Variants in NOMO1 observed in about 807,000 individuals in gnomAD.
NOMO1 encodes nodal modulator 3.
Under a neutral mutation model 133.8 loss-of-function variants are expected in NOMO1, and 40 were observed. The ratio of observed to expected loss-of-function variants is 0.30; its 90% CI spans 0.23 to 0.39. The LOEUF (loss-of-function observed/expected upper bound fraction) is 0.39. Among genes scored for constraint, NOMO1 ranks in the 10% least tolerant of loss-of-function variants. The pLI is 1.00. For synonymous variants in NOMO1, 236 were observed against 570.5 expected (o/e 0.41, Z 8.36); for missense variants, 462 against 1,419.9 (o/e 0.33, Z 10.84).
rs1174703237 is a variant in NOMO1 at position 14,867,176 on chromosome 16, A to ATTTTTTTTTTTT, written c.1806+503_1806+514dup. 1.3e-3 allele frequency among the ~76,000 whole-genome samples: 10 copies of ATTTTTTTTTTTT among 7,476 alleles called. 1 individual carries two copies. The highest frequency in any genetic ancestry group is 0.011 in the Admixed American group (3 of 262). The allele number at this position is 7,476 out of a possible 152,430, so 4.9% of individuals were successfully genotyped here. A position where few individuals can be genotyped will look rare whatever the true frequency, so the allele number is the denominator to read the frequency against. On this transcript the variant is annotated intron_variant, in intron 15 of 30. Transcript: ENST00000287667. ...TATATATATATATATATATATATAT[A>ATTTTTTTTTTTT]TTTTTTTTTTTTTTTTTTTTTTTTT...
intron 6 of NOMO1, among the ~76,000 whole-genome samples, chr16:14,850,102 C>G (rs1444170066): frequency 6.7e-6 from 1 of 149,162 alleles, no homozygotes; most frequent in African/African-American, 2.5e-5. Context: ...TGAAGTCTTG[C>G]TCTTGTTGCC....
chr16:14,868,195 T>C (rs1448656827), intron 15 of NOMO1, among the ~76,000 whole-genome samples: 2 of 137,052 alleles, frequency 1.5e-5, no homozygotes, highest in Non-Finnish European at 3.1e-5. Context: ...TCCTGTTTAT[T>C]TTCACAGCTT....
At chr16:14,849,605 A>G (rs1231092244) in intron 6 of NOMO1, among the ~76,000 whole-genome samples, 3 of 141,802 alleles carry the variant, frequency 2.1e-5, no homozygotes, top group Non-Finnish European at 4.6e-5. Flanking sequence ...TTTTTTTTTT[A>G]AAGACGGAGT....
chr16:14,889,541 A>AAAAC (rs1964377322), intron 29 of NOMO1, among the ~76,000 whole-genome samples: 1 of 149,622 alleles, frequency 6.7e-6, no homozygotes, highest in African/African-American at 2.5e-5. Flanking sequence ...CCAGAAGAAA[A>AAAAC]AAAACAAAAC....
At chr16:14,845,350 A>G (rs1340096062) in intron 4 of NOMO1, among the ~76,000 whole-genome samples, 1 of 151,886 alleles carries the variant, frequency 6.6e-6, no homozygotes, top group Non-Finnish European at 1.5e-5. Context: ...GTTAGCGTTT[A>G]TGTCAGGGAT....
chr16:14,853,624 G>A lies in NOMO1; in HGVS notation c.873+20G>A, dbSNP rs376556764. 92 of 1,611,508 alleles carry A rather than the reference G, an allele frequency of 5.7e-5. 1 individual carries two copies. The African/African-American group carries it at 8.0e-4, about 14-fold the overall frequency. ...ACTGTGGTGAGTAAAGCAGATTTCC[G>A]TTCTGTTTATGTCTGAGACTCTCAT... On this transcript the variant is annotated intron_variant, in intron 8 of 30. Coordinates refer to ENST00000287667, the MANE Select transcript of NOMO1 (RefSeq NM_014287.4).
intron 18 of NOMO1, among the ~76,000 whole-genome samples, chr16:14,874,119 G>A (rs376099837): frequency 0.01 from 1,507 of 146,456 alleles, 38 homozygotes; most frequent in African/African-American, 0.034. Flanking sequence ...CCCCTCTGGG[G>A]TCACTGCAGC....
At chr16:14,893,926 T>C (rs1267424774) in intron 29 of NOMO1, among the ~76,000 whole-genome samples, 1 of 151,800 alleles carries the variant, frequency 6.6e-6, no homozygotes, top group Non-Finnish European at 1.5e-5. Flanking sequence ...CATCTTACTA[T>C]TGGCTGAAAA....
intron 12 of NOMO1, 23 bp from the exon 13 acceptor site, chr16:14,864,562 A>G: frequency 6.2e-7 from 1 of 1,613,082 alleles, no homozygotes; most frequent in Non-Finnish European, 8.5e-7. Flanking sequence ...GCAGCCTCTA[A>G]CGTTCCATCC....
intron 1 of NOMO1, among the ~76,000 whole-genome samples, chr16:14,836,228 T>C (rs1963506589): frequency 6.6e-6 from 1 of 152,062 alleles, no homozygotes. Context: ...TGCATGTATC[T>C]GAATCTCTTT....
chr16:14,879,116 A>G (rs3830050), intron 23 of NOMO1, among the ~76,000 whole-genome samples: 16,733 of 129,860 alleles, frequency 0.13, 4 homozygotes, highest in Non-Finnish European at 0.14. Context: ...TCTCTTAGGC[A>G]TCTTCTCGTT....
At chr16:14,872,038 G>A (rs949682696) in intron 17 of NOMO1, among the ~76,000 whole-genome samples, 196 bp from the exon 18 acceptor site, 1 of 151,988 alleles carries the variant, frequency 6.6e-6, no homozygotes, top group African/African-American at 2.4e-5. Flanking sequence ...ACTGGGAATT[G>A]GAAGCATAAA....
intron 3 of NOMO1, among the ~76,000 whole-genome samples, chr16:14,843,463 G>T (rs999175298): frequency 2.6e-5 from 4 of 151,984 alleles, no homozygotes; most frequent in Non-Finnish European, 5.9e-5. Flanking sequence ...GCACCAGTTG[G>T]TGTTCTCCCA....
Position 14,871,695 on chromosome 16 carries a change from G to A in NOMO1, c.1958+11G>A. The A allele has an allele frequency of 1.3e-6, 2 of 1,595,480 alleles. No individual in the cohort carries two copies. Among genetic ancestry groups the A allele is most frequent in the East Asian group, 2.2e-5 (1 of 44,558 alleles). ...CTACACCTATGACACGTAAGCCTGG[G>A]AATTGAATGCTTTGTGGTGTTTGTA... On this transcript the variant is annotated intron_variant, in intron 17 of 30. Transcript: ENST00000287667.
chr16:14,893,162 T>C (rs1780926273), intron 29 of NOMO1, among the ~76,000 whole-genome samples: 1 of 150,692 alleles, frequency 6.6e-6, no homozygotes, highest in South Asian at 2.1e-4. Context: ...TGAATCACTC[T>C]AATTCCTGCT....
intron 29 of NOMO1, among the ~76,000 whole-genome samples, chr16:14,891,607 GA>G (rs1964406617): frequency 6.6e-6 from 1 of 151,514 alleles, no homozygotes; most frequent in Non-Finnish European, 1.5e-5. Context: ...TCCTGGTATA[GA>G]TGTGAAGTAT....
In NOMO1 at chr16:14,882,724, T is replaced by G. The variant is rs760566826; in HGVS notation, c.3111+47T>G. 3.1e-6 allele frequency: 5 copies of G among 1,611,594 alleles called. No homozygotes were observed. The South Asian group carries it at 3.3e-5, about 11-fold the overall frequency. On this transcript the variant is annotated intron_variant, in intron 26 of 30. Coordinates refer to ENST00000287667, the MANE Select transcript of NOMO1 (RefSeq NM_014287.4). ...CTGCACCTGGGTGTGGGTGCCTCCC[T>G]GATCAGAAGTCCTCCCGTCTCCTCT... is the stretch of plus-strand genomic sequence containing the variant.
At chr16:14,880,634 G>A (rs895310314) in intron 24 of NOMO1, among the ~76,000 whole-genome samples, 19 of 151,868 alleles carry the variant, frequency 1.3e-4, no homozygotes, top group Non-Finnish European at 5.9e-5. Flanking sequence ...TGCCTGCCTC[G>A]GTCTCCCAAA....
chr16:14,845,518 A>AT (rs1963666760), intron 4 of NOMO1, among the ~76,000 whole-genome samples: 1 of 151,858 alleles, frequency 6.6e-6, no homozygotes, highest in Non-Finnish European at 1.5e-5. Flanking sequence ...AAGTTCTGAG[A>AT]TTTTTTTGGA....
Sources: allele counts gnomAD v4.1 joint callset (sites outside exome capture counted in the v4.1 genomes callset), GRCh38; gene constraint gnomAD v4.1.1; transcripts MANE v1.5; gene names NCBI Gene and HGNC (gene_info 2026-07-23, HGNC 2026-07-21).